TH: variants seen among roughly 807,000 people sequenced by gnomAD.
TH encodes the protein tyrosine hydroxylase, also known as tyrosine 3-monooxygenase.
Under a neutral mutation model 57.4 loss-of-function variants are expected in TH, and 49 were observed. The observed-to-expected ratio is 0.85, with a 90% CI of 0.68 to 1.08. The LOEUF (loss-of-function observed/expected upper bound fraction) is 1.08, where lower values mean the gene tolerates loss of function less well. Among genes scored for constraint, TH ranks in the 50% least tolerant of loss-of-function variants. The pLI, the probability that TH is intolerant of heterozygous loss-of-function variation, is 0.00. For synonymous variants in TH, 330 were observed against 304.5 expected, an observed-to-expected ratio of 1.08 and a Z score of -0.87; for missense variants, 720 against 696.7, an observed-to-expected ratio of 1.03 and a Z score of -0.38.
intron 3 of TH, 46 bp downstream of exon 3, chr11:2,168,445 C>T: frequency 1.9e-6 from 3 of 1,609,576 alleles, no homozygotes; most frequent in Non-Finnish European, 2.5e-6. Flanking sequence ...GCACCCCAGC[C>T]TCTCAAGGTC....
At position 2,171,572 on chromosome 11, in the gene TH, T is replaced by A. The variant is rs972528968; in HGVS notation, c.90+125A>T. On this transcript the variant is annotated intron_variant, in intron 1 of 12. Coordinates refer to ENST00000352909, the MANE Select transcript of TH (RefSeq NM_000360.4). The surrounding 1 kb of genome is among the most constrained non-coding windows in gnomAD (Gnocchi z 8.6). ...CCCAGGCCTCCACATCCACGCCGCGTCCCAGGGGTTTGCATGGACCCTGAG... is the reference window on the plus strand; with the variant it reads ...CCCAGGCCTCCACATCCACGCCGCGACCCAGGGGTTTGCATGGACCCTGAG... 6.1e-5 allele frequency: 63 copies of A among 1,031,478 alleles called. No homozygotes were observed. The highest frequency in any genetic ancestry group is 8.4e-5 in the Non-Finnish European group (58 of 686,430). 63.9% of individuals were successfully genotyped at this position (1,031,478 alleles called of 1,614,324 possible). A position where few individuals can be genotyped will look rare whatever the true frequency, so the allele number is the denominator to read the frequency against.
intron 1 of TH, 129 bp from the exon 2 acceptor site, chr11:2,170,000 C>T (rs898737104): frequency 3.1e-5 from 30 of 979,598 alleles, no homozygotes; most frequent in Non-Finnish European, 3.7e-5. Flanking sequence ...CGTTTTTGAG[C>T]GCCTACTGTG....
At chr11:2,165,595 A>ACCGTG in intron 11 of TH, 73 bp downstream of exon 11, 1 of 1,518,758 alleles carries the variant, frequency 6.6e-7, no homozygotes, top group Admixed American at 1.8e-5. Context: ...TCCCACTGGG[A>ACCGTG]GCCTGTCCCC....
chr11:2,168,276 G>A (rs1248834294), intron 3 of TH, 97 bp from the exon 4 acceptor site: 2 of 1,432,740 alleles, frequency 1.4e-6, no homozygotes, highest in East Asian at 2.3e-5. Flanking sequence ...CTTCCGGGGG[G>A]CAGAGGCAGC....
In TH at chr11:2,168,591, C is replaced by A. The variant is rs1023990871; in HGVS notation, c.387G>T (p.Glu129Asp). Residue 129 changes from glutamate to aspartate, a missense_variant, in exon 3 of 13, where the codon GAG (glutamate) becomes GAT (aspartate). Physicochemically the swap from Glu to Asp is conservative, Grantham distance 45. Transcript: ENST00000352909. The part of the protein sequence containing the change: ...QRPRAGGPHL[E>D]YFVRLEVRRG... ...GGCGCACCTCGAGGCGCACGAAGTA[C>A]TCCAGGTGGGGGCCCCCAGCTCGCG... 1.2e-6 allele frequency: 2 copies of A among 1,611,974 alleles called. No homozygotes were observed.
At chr11:2,168,444 C>G (rs757642582) in intron 3 of TH, 47 bp downstream of exon 3, 6 of 1,609,066 alleles carry the variant, frequency 3.7e-6, no homozygotes, top group Non-Finnish European at 5.1e-6. Flanking sequence ...TGCACCCCAG[C>G]CTCTCAAGGT....
rs1301804334 is a variant in TH, at chr11:2,168,783, T to G, written c.313-118A>C. On this transcript the variant is annotated intron_variant, in intron 2 of 12. Coordinates refer to ENST00000352909, the MANE Select transcript of TH (RefSeq NM_000360.4). Reference sequence around the variant, plus strand: ...TGGCTGGCCAGGCCCTGCCCTTGACTTTTGTGCTAGCAGCACACAGATCCC... The same window carrying G: ...TGGCTGGCCAGGCCCTGCCCTTGACGTTTGTGCTAGCAGCACACAGATCCC... 3 of 1,250,214 alleles carry G rather than the reference T, an allele frequency of 2.4e-6. No individual in the cohort carries two copies. The African/African-American group carries it at 4.5e-5, about 19-fold the overall frequency. 77.4% of individuals were successfully genotyped at this position (1,250,214 alleles called of 1,614,324 possible). A position where few individuals can be genotyped will look rare whatever the true frequency, so the allele number is the denominator to read the frequency against.
Position 2,166,486 on chromosome 11 carries a change from G to A in TH, c.1041C>T (p.Phe347=), listed in dbSNP as rs1318529339. The change falls in exon 9 of 13, where the codon TTC becomes TTT. Residue 347 remains phenylalanine, a synonymous_variant. Transcript: ENST00000352909. ...PMLADRTFAQ[F]SQDIGLASLG... is the part of the protein sequence containing the mutation. ...CTCCGAGGCCGCGGCGTACCTGCGA[G>A]AACTGCGCGAAGGTGCGGTCGGCCA... 1 of 1,589,320 alleles carries A rather than the reference G, an allele frequency of 6.3e-7. No individual in the cohort carries two copies. The highest frequency in any genetic ancestry group is 1.7e-5 in the Admixed American group (1 of 58,144).
rs1239076325 is a variant in TH at position 2,169,729 on chromosome 11, C to A, written c.233G>T (p.Gly78Val). ...LEAVAFEEKE[G>V]KAVLNLLFSP... ...GAAGAGCAGGTTTAGCACGGCCTTC[C>A]CCTCCTTCTCCTCAAAGGCCACAGC... Residue 78 changes from glycine (G) to valine (V), a missense_variant, in exon 2 of 13, where the codon GGG becomes GTG. Gly to Val is a moderately radical substitution (Grantham distance 109, BLOSUM62 -3). Transcript: ENST00000352909. 1.2e-6 allele frequency: 2 copies of A among 1,612,972 alleles called. No homozygotes were observed. Among genetic ancestry groups the A allele is most frequent in the Non-Finnish European group, 1.7e-6 (2 of 1,179,864 alleles).
In TH at chr11:2,168,084, C is replaced by G. The variant is rs1441858804; in HGVS notation, c.576+7G>C. 1 of 1,613,120 alleles carries G rather than the reference C, an allele frequency of 6.2e-7. No homozygotes were observed. Among genetic ancestry groups the G allele is most frequent in the African/African-American group, 1.3e-5 (1 of 74,998 alleles). ...CAGGAGGCCTGAGTGAGGGGCGCAC[C>G]ACTCACCGGGTGGTCCAAGTCCAGG... On this transcript the variant is annotated splice_region_variant and intron_variant, in intron 4 of 12. Transcript: ENST00000352909.
chr11:2,169,670 G>A lies in TH; in HGVS notation c.292C>T (p.Arg98Ter), dbSNP rs1057519220. 8 of 1,613,368 alleles carry A rather than the reference G, an allele frequency of 5.0e-6. No homozygotes were observed. Among genetic ancestry groups the A allele is most frequent in the African/African-American group, 2.7e-5 (2 of 74,848 alleles). Residue 98 changes from arginine (R) to a stop codon, truncating the protein, a stop_gained, in exon 2 of 13, where the codon CGA (arginine) becomes TGA (stop). Coordinates refer to ENST00000352909, the MANE Select transcript of TH (RefSeq NM_000360.4). LOFTEE classifies it high-confidence loss of function. ...PRATKPSALS[R>*]AVKVFETFEA... ...CTCACCTCAAACACCTTCACAGCTC[G>A]GGACAGCGCCGAGGGCTTGGTGGCC...
rs1262220896 is a variant in TH, at chr11:2,165,240, G to A, written c.1326C>T (p.Asp442=). The A allele has an allele frequency of 6.2e-7, 1 of 1,612,900 alleles. No homozygotes were observed. The highest frequency in any genetic ancestry group is 1.1e-5 in the South Asian group (1 of 91,082). ...CTAGCAGCCTAGCCCACCTGAGCTTGTCCTTGGCGTCACTGAAGCTCTCAG... is the reference window on the plus strand; with the variant it reads ...CTAGCAGCCTAGCCCACCTGAGCTTATCCTTGGCGTCACTGAAGCTCTCAG... The part of the protein sequence containing the change: ...FVSESFSDAK[D]KLRSYASRIQ... Residue 442 remains aspartate, a synonymous_variant, in exon 12 of 13, where the codon GAC becomes GAT. Transcript: ENST00000352909.
chr11:2,168,006 G>A, intron 4 of TH, 73 bp from the exon 5 acceptor site: 1 of 1,610,054 alleles, frequency 6.2e-7, no homozygotes, highest in South Asian at 1.1e-5. Context: ...GGCTCCTGGA[G>A]CCGACAGACT....
At chr11:2,165,813 G>T in intron 10 of TH, 50 bp from the exon 11 acceptor site, 1 of 1,582,548 alleles carries the variant, frequency 6.3e-7, no homozygotes, top group South Asian at 1.1e-5. Flanking sequence ...CCGCCCACCG[G>T]GCAGCCCCTG....
chr11:2,171,675 G>A lies in TH; in HGVS notation c.90+22C>T, dbSNP rs753296112. On this transcript the variant is annotated intron_variant, in intron 1 of 12. Coordinates refer to ENST00000352909, the MANE Select transcript of TH (RefSeq NM_000360.4). The surrounding 1 kb of genome is among the most constrained non-coding windows in gnomAD (Gnocchi z 8.6). ...TGGGCTCCGGTCCACTGCGGCCGCC[G>A]GGCACCTACCTGCCCTCTTACCATG... 8 of 1,609,286 alleles carry A rather than the reference G, an allele frequency of 5.0e-6. No individual in the cohort carries two copies. Among genetic ancestry groups the A allele is most frequent in the South Asian group, 2.2e-5 (2 of 90,992 alleles).
At position 2,165,777 on chromosome 11, in the gene TH, G is replaced by A. The variant is rs200496790; in HGVS notation, c.1105-14C>T. 1.9e-4 allele frequency: 307 copies of A among 1,609,456 alleles called. 1 individual carries two copies. In the African/African-American group the frequency reaches 2.8e-3, roughly 15 times the overall value. Reference sequence around the variant, plus strand: ...GAACCAGTACAGCTGCGGGGAAGCCGGGCAGCATCAGCCCAGAGACAGCTG... The same window carrying A: ...GAACCAGTACAGCTGCGGGGAAGCCAGGCAGCATCAGCCCAGAGACAGCTG... On this transcript the variant is annotated splice_polypyrimidine_tract_variant and intron_variant, in intron 10 of 12. Transcript: ENST00000352909.
intron 5 of TH, 125 bp from the exon 6 acceptor site, chr11:2,167,610 T>A (rs1421297699): frequency 1.0e-5 from 13 of 1,261,748 alleles, no homozygotes; most frequent in African/African-American, 1.5e-5. Context: ...GGTTGGAGGA[T>A]GGACAGGAGG....
rs377729019 is a variant in TH, at chr11:2,167,477, G to A, written c.653C>T (p.Pro218Leu). The A allele has an allele frequency of 2.7e-5, 42 of 1,561,416 alleles. No individual in the cohort carries two copies. In the Middle Eastern group the frequency reaches 8.3e-4, roughly 31 times the overall value. The change falls in exon 6 of 13, where the codon CCG becomes CTG. Residue 218 changes from proline (P) to leucine (L), a missense_variant. Physicochemically the swap from Pro to Leu is moderately conservative, Grantham distance 98. Coordinates refer to ENST00000352909, the MANE Select transcript of TH (RefSeq NM_000360.4). ...EIAFQYRHGDPIPRVEYTAEE... is the reference protein window; with the variant it reads ...EIAFQYRHGDLIPRVEYTAEE... Reference sequence around the variant, plus strand: ...GGCGGTGTACTCCACACGGGGAATCGGGTCGCCGCTGGGGAGGGGGCCAGT... The same window carrying A: ...GGCGGTGTACTCCACACGGGGAATCAGGTCGCCGCTGGGGAGGGGGCCAGT...
chr11:2,171,766 G>T lies in TH; in HGVS notation c.21C>A (p.Thr7=), dbSNP rs2133704280. The T allele has an allele frequency of 6.2e-7, 1 of 1,612,446 alleles. No individual in the cohort carries two copies. The change falls in exon 1 of 13, where the codon ACC becomes ACA. Residue 7 remains threonine, a synonymous_variant. Transcript: ENST00000352909. This position sits in a 1 kb window ranked among gnomAD's most constrained non-coding sequence, Gnocchi z 8.6. Reference sequence around the variant, plus strand: ...TGCGGAAGCCCTTGGCCTGTGGCGTGGTGGCGTCGGGGGTGGGCATGGCTC... The same window carrying T: ...TGCGGAAGCCCTTGGCCTGTGGCGTTGTGGCGTCGGGGGTGGGCATGGCTC... MPTPDA[T]TPQAKGFRRA...
Sources: allele counts gnomAD v4.1 joint callset, GRCh38; gene constraint gnomAD v4.1.1; non-coding constraint Gnocchi (gnomAD v3.1); transcripts MANE v1.5; gene names NCBI Gene and HGNC (gene_info 2026-07-23, HGNC 2026-07-21).